The following KIN variants were observed in gnomAD, a reference collection of about 807,000 sequenced individuals.
The protein encoded by KIN is Kin17 DNA and RNA binding protein.
In KIN, 47 loss-of-function variants were observed where a neutral mutation model predicts 63.0. The observed-to-expected ratio is 0.75, with a 90% confidence interval of 0.59 to 0.95. KIN has a LOEUF of 0.95. KIN is among the 40% of genes least tolerant of loss of function. KIN has a pLI of 0.00. For synonymous variants in KIN, 160 were observed against 157.7 expected, an observed-to-expected ratio of 1.01 and a Z score of -0.11; for missense variants, 408 against 460.9, an observed-to-expected ratio of 0.89 and a Z score of 1.05.
intron 12 of KIN, among the ~76,000 whole-genome samples, chr10:7,757,060 AG>A (rs1835344742): frequency 6.6e-6 from 1 of 152,162 alleles, no homozygotes; most frequent in Non-Finnish European, 1.5e-5. Context: ...ATTATCTCCC[AG>A]TGGAAATAAT....
chr10:7,766,548 C>G (rs1180891214), intron 8 of KIN, among the ~76,000 whole-genome samples: 2 of 151,786 alleles, frequency 1.3e-5, no homozygotes, highest in African/African-American at 4.8e-5. Flanking sequence ...GACAGTAAAG[C>G]TCATGAATGA....
At position 7,753,951 on chromosome 10, in the gene KIN, C is replaced by A; in HGVS notation, c.*2129G>T. On this transcript the variant is annotated 3_prime_UTR_variant, in exon 13 of 13. Coordinates refer to ENST00000379562, the MANE Select transcript of KIN (RefSeq NM_012311.4). ...AGAGATCCCAGGGTTTGGCACCATA[C>A]CTGTGTCTGACGTCAGCTTATACCC... 2.3e-6 allele frequency: 1 copy of A among 437,246 alleles called. No homozygotes were observed. The highest frequency in any genetic ancestry group is 2.4e-5 in the Admixed American group (1 of 41,276). 27.1% of individuals were successfully genotyped at this position (437,246 alleles called of 1,614,324 possible). A position where few individuals can be genotyped will look rare whatever the true frequency, so the allele number is the denominator to read the frequency against.
rs1218017504 is a variant in KIN at position 7,753,549 on chromosome 10, G to C, written c.*2531C>G. On this transcript the variant is annotated 3_prime_UTR_variant, in exon 13 of 13. Coordinates refer to ENST00000379562, the MANE Select transcript of KIN (RefSeq NM_012311.4). Reference sequence around the variant, plus strand: ...TTTATTCAATACCTACTATGTGCTGGACTTCATGTCTGATGATTTATATGT... The same window carrying C: ...TTTATTCAATACCTACTATGTGCTGCACTTCATGTCTGATGATTTATATGT... The C allele has an allele frequency of 1.3e-5, 2 of 152,874 alleles. No individual in the cohort carries two copies. Among genetic ancestry groups the C allele is most frequent in the African/African-American group, 4.8e-5 (2 of 41,418 alleles). The allele number at this position is 152,874 out of a possible 1,614,324, so 9.5% of individuals were successfully genotyped here.
At chr10:7,764,267 A>G (rs1452780943) in intron 9 of KIN, among the ~76,000 whole-genome samples, 2 of 152,184 alleles carry the variant, frequency 1.3e-5, no homozygotes, top group South Asian at 2.1e-4. Context: ...CCCCTTTCTC[A>G]TTAAGTTGCT....
chr10:7,785,024 A>G (rs1835970597), intron 1 of KIN, among the ~76,000 whole-genome samples: 1 of 151,526 alleles, frequency 6.6e-6, no homozygotes, highest in African/African-American at 2.4e-5. Context: ...CCGAGGCAGG[A>G]GGAGTGCTTG....
In KIN at chr10:7,773,592, C is replaced by T. The variant is rs150825334; in HGVS notation, c.668+1239G>A. ...GTTAATTTTGAAACATTATTTTGAT[C>T]AAAGTTAAGACATCTGGCAAATCAT... On this transcript the variant is annotated intron_variant, in intron 7 of 12. Transcript: ENST00000379562. 1.3e-3 allele frequency among the ~76,000 whole-genome samples: 197 copies of T among 152,246 alleles called. 2 individuals are homozygous for T. Among genetic ancestry groups the T allele is most frequent in the African/African-American group, 4.6e-3 (193 of 41,530 alleles).
intron 1 of KIN, among the ~76,000 whole-genome samples, chr10:7,787,353 T>C (rs563325086): frequency 1.3e-5 from 2 of 152,326 alleles, no homozygotes; most frequent in Admixed American, 1.3e-4. Context: ...CGGTACAGTG[T>C]AGGTGCTCAA....
intron 7 of KIN, among the ~76,000 whole-genome samples, chr10:7,772,651 C>T (rs1835689777): frequency 6.6e-6 from 1 of 152,114 alleles, no homozygotes; most frequent in Admixed American, 6.6e-5. Flanking sequence ...AGAGAAAAAA[C>T]ATTTTAGATG....
At chr10:7,780,360 T>A in intron 2 of KIN, 53 bp from the exon 3 acceptor site, 1 of 1,440,906 alleles carries the variant, frequency 6.9e-7, no homozygotes, top group African/African-American at 1.4e-5. Context: ...ACATATAGCA[T>A]CATCTTTTTG....
chr10:7,752,242 C>T lies in KIN; in HGVS notation c.*3838G>A, dbSNP rs1835256294. On this transcript the variant is annotated 3_prime_UTR_variant, in exon 13 of 13. Coordinates refer to ENST00000379562, the MANE Select transcript of KIN (RefSeq NM_012311.4). ...AATTCAACAATAAGAAAATGAGTAA[C>T]CCAATTAAATAATGGGCAAAAAACC... The T allele has an allele frequency of 6.6e-6, 1 of 152,052 alleles. No individual in the cohort carries two copies. Among genetic ancestry groups the T allele is most frequent in the Non-Finnish European group, 1.5e-5 (1 of 68,006 alleles). 9.4% of individuals were successfully genotyped at this position (152,052 alleles called of 1,614,324 possible).
In KIN at chr10:7,752,843, G is replaced by C. The variant is rs138435666; in HGVS notation, c.*3237C>G. The C allele has an allele frequency of 3.1e-3, 468 of 152,326 alleles. 5 individuals carry two copies. The highest frequency in any genetic ancestry group is 0.011 in the African/African-American group (446 of 41,572). The allele number at this position is 152,326 out of a possible 1,614,324, so 9.4% of individuals were successfully genotyped here. Reference sequence around the variant, plus strand: ...AATCTGAAAAAGCTACACCCTGTGTGACTCCAACTATATGACCTTCGATGG... The same window carrying C: ...AATCTGAAAAAGCTACACCCTGTGTCACTCCAACTATATGACCTTCGATGG... On this transcript the variant is annotated 3_prime_UTR_variant, in exon 13 of 13. Transcript: ENST00000379562.
At chr10:7,757,526 T>A (rs7906341) in intron 12 of KIN, among the ~76,000 whole-genome samples, 40,445 of 150,416 alleles carry the variant, frequency 0.27, 5,567 homozygotes, top group East Asian at 0.44. Flanking sequence ...AAAATAAAAT[T>A]AAATTAAATA....
At chr10:7,764,925 T>C (rs1454503407) in intron 9 of KIN, among the ~76,000 whole-genome samples, 3 of 151,956 alleles carry the variant, frequency 2.0e-5, no homozygotes, top group Non-Finnish European at 4.4e-5. Flanking sequence ...TTTGGGAGGC[T>C]GAGGCAGGTG....
intron 5 of KIN, among the ~76,000 whole-genome samples, chr10:7,778,595 T>C (rs1162002560): frequency 6.6e-6 from 1 of 152,052 alleles, no homozygotes; most frequent in East Asian, 1.9e-4. Context: ...AAAAATTATC[T>C]GGGCGTGGTG....
intron 12 of KIN, 195 bp downstream of exon 12, chr10:7,759,695 T>C (rs1302960088): frequency 7.9e-6 from 3 of 378,852 alleles, no homozygotes; most frequent in Non-Finnish European, 1.4e-5. Context: ...TGAGTACACA[T>C]TTCTTTTATA....
intron 7 of KIN, among the ~76,000 whole-genome samples, chr10:7,772,581 T>C (rs777263227): frequency 2.0e-5 from 3 of 152,220 alleles, no homozygotes; most frequent in South Asian, 2.1e-4. Flanking sequence ...GTTTTAGATA[T>C]ATAAGAGATA....
At chr10:7,778,804 G>C (rs940540257) in intron 5 of KIN, 34 bp downstream of exon 5, 1 of 1,600,728 alleles carries the variant, frequency 6.2e-7, no homozygotes, top group African/African-American at 1.4e-5. Flanking sequence ...TAGACCTCTG[G>C]ACGTTGCTTC....
At position 7,787,936 on chromosome 10, in the gene KIN, C is replaced by A. The variant is rs202096192; in HGVS notation, c.-3G>T. The A allele has an allele frequency of 6.5e-5, 105 of 1,603,742 alleles. No homozygotes were observed. The highest frequency in any genetic ancestry group is 8.5e-5 in the Non-Finnish European group (99 of 1,170,514). Reference sequence around the variant, plus strand: ...GTAAGAAAATCCGACTTCCCCATGGCGACCACGGCAGCGATCACTTTCTGG... The same window carrying A: ...GTAAGAAAATCCGACTTCCCCATGGAGACCACGGCAGCGATCACTTTCTGG... On this transcript the variant is annotated 5_prime_UTR_variant, in exon 1 of 13. Coordinates refer to ENST00000379562, the MANE Select transcript of KIN (RefSeq NM_012311.4).
At position 7,772,421 on chromosome 10, in the gene KIN, C is replaced by T. The variant is rs148335225; in HGVS notation, c.668+2410G>A. ...TTGCTTTCAGTAACTAGAGTGAATT[C>T]TAGCCTTTCTCAAAGGAGATAAAGA... is the stretch of plus-strand genomic sequence containing the variant. On this transcript the variant is annotated intron_variant, in intron 7 of 12. Coordinates refer to ENST00000379562, the MANE Select transcript of KIN (RefSeq NM_012311.4). Among the ~76,000 whole-genome samples the T allele has an allele frequency of 4.0e-3, 609 of 152,272 alleles. 5 individuals are homozygous for T. Among genetic ancestry groups the T allele is most frequent in the African/African-American group, 0.013 (554 of 41,542 alleles).
Sources: allele counts gnomAD v4.1 joint callset (sites outside exome capture counted in the v4.1 genomes callset), GRCh38; gene constraint gnomAD v4.1.1; transcripts MANE v1.5; gene names NCBI Gene and HGNC (gene_info 2026-07-23, HGNC 2026-07-21).